Variants in TMTC1 observed in about 807,000 individuals in gnomAD.
TMTC1 encodes the protein transmembrane O-mannosyltransferase targeting cadherins 1.
In TMTC1, 73 loss-of-function variants were observed where a neutral mutation model predicts 104.8. The ratio of observed to expected loss-of-function variants is 0.70; its 90% CI spans 0.58 to 0.85. The LOEUF (loss-of-function observed/expected upper bound fraction) is 0.85, where lower values mean the gene tolerates loss of function less well. Ranked by LOEUF, TMTC1 falls within the 40% of genes least tolerant of loss-of-function variation. TMTC1 has a pLI of 0.00. For synonymous variants in TMTC1, 434 were observed against 428.7 expected (o/e 1.01, Z -0.15); for missense variants, 1,035 against 1,096.1 (o/e 0.94, Z 0.79).
chr12:29,602,653 T>C (rs1040719856), intron 7 of TMTC1, among the ~76,000 whole-genome samples: 4 of 151,902 alleles, frequency 2.6e-5, no homozygotes, highest in African/African-American at 9.7e-5. Context: ...TAATAGTAAG[T>C]GAAATATAAT....
chr12:29,662,288 G>C (rs1016030969), intron 5 of TMTC1, among the ~76,000 whole-genome samples: 15 of 152,106 alleles, frequency 9.9e-5, no homozygotes, highest in Non-Finnish European at 1.8e-4. Context: ...TGTTCTATAA[G>C]GTAAGAAATC....
At chr12:29,580,730 T>C (rs16934537) in intron 8 of TMTC1, among the ~76,000 whole-genome samples, 2,628 of 152,312 alleles carry the variant, frequency 0.017, 63 homozygotes, top group East Asian at 0.055. Context: ...TCTCCTCTTT[T>C]AATACTCAGC....
intron 10 of TMTC1, among the ~76,000 whole-genome samples, chr12:29,542,600 T>A (rs550153399): frequency 1.3e-5 from 2 of 152,202 alleles, no homozygotes; most frequent in Non-Finnish European, 2.9e-5. Flanking sequence ...TCAGCAGGTC[T>A]TGGTGGGGCC....
chr12:29,506,043 A>C lies in TMTC1; in HGVS notation c.*803T>G, dbSNP rs985693756. On this transcript the variant is annotated 3_prime_UTR_variant, in exon 18 of 18. Coordinates refer to ENST00000539277, the MANE Select transcript of TMTC1 (RefSeq NM_001193451.2). ...CTATTTTTTTCTCCACCAAAATAAC[A>C]ATATATTTGCAGGCGGGAACATGTA... The C allele has an allele frequency of 3.9e-5, 6 of 152,172 alleles. No homozygotes were observed. The East Asian group carries it at 5.8e-4, about 15-fold the overall frequency. The allele number at this position is 152,172 out of a possible 1,614,324, so 9.4% of individuals were successfully genotyped here. A position where few individuals can be genotyped will look rare whatever the true frequency, so the allele number is the denominator to read the frequency against.
intron 5 of TMTC1, among the ~76,000 whole-genome samples, chr12:29,713,620 A>G (rs77664045): frequency 0.022 from 3,318 of 152,302 alleles, 57 homozygotes; most frequent in South Asian, 0.046. Flanking sequence ...TGGTAGTGGT[A>G]GGCTGTAAAA....
chr12:29,746,131 T>TA (rs1213782056), intron 5 of TMTC1, among the ~76,000 whole-genome samples: 13 of 152,326 alleles, frequency 8.5e-5, no homozygotes, highest in African/African-American at 3.1e-4. Context: ...TTTTAAGAGA[T>TA]TTTAAAATGA....
At chr12:29,580,331 A>G (rs916137970) in intron 8 of TMTC1, among the ~76,000 whole-genome samples, 2 of 152,138 alleles carry the variant, frequency 1.3e-5, no homozygotes, top group South Asian at 4.1e-4. Flanking sequence ...AAATAAATAA[A>G]TGAATAAATA....
At chr12:29,729,038 T>C (rs2136910394) in intron 5 of TMTC1, among the ~76,000 whole-genome samples, 1 of 147,750 alleles carries the variant, frequency 6.8e-6, no homozygotes, top group South Asian at 2.2e-4. Flanking sequence ...AAACCACAGG[T>C]TAACTCTTCC....
At chr12:29,590,450 C>A (rs772753119) in intron 7 of TMTC1, among the ~76,000 whole-genome samples, 2 of 152,168 alleles carry the variant, frequency 1.3e-5, no homozygotes, top group African/African-American at 4.8e-5. Flanking sequence ...TCCTGACAAA[C>A]AACTTTGTAT....
chr12:29,571,973 C>A, intron 9 of TMTC1, 132 bp downstream of exon 9: 1 of 658,946 alleles, frequency 1.5e-6, no homozygotes, highest in Non-Finnish European at 2.6e-6. Flanking sequence ...CCAAGAGCTA[C>A]CCCACCTCCA....
chr12:29,780,610 T>C (rs1287663344), intron 1 of TMTC1, among the ~76,000 whole-genome samples: 1 of 152,162 alleles, frequency 6.6e-6, no homozygotes, highest in African/African-American at 2.4e-5. Context: ...CTCTGAAATC[T>C]ACACATATGA....
At position 29,512,026 on chromosome 12, in the gene TMTC1, G is replaced by A; in HGVS notation, c.2508+17C>T. Reference sequence around the variant, plus strand: ...GGGGGAAAGCCCGGTCCACATGGGAGTGAATTATTCTCCTACCTTGATGTG... The same window carrying A: ...GGGGGAAAGCCCGGTCCACATGGGAATGAATTATTCTCCTACCTTGATGTG... On this transcript the variant is annotated intron_variant, in intron 17 of 17. Transcript: ENST00000539277. The A allele has an allele frequency of 6.2e-7, 1 of 1,612,790 alleles. No homozygotes were observed. The highest frequency in any genetic ancestry group is 8.5e-7 in the Non-Finnish European group (1 of 1,178,742).
intron 11 of TMTC1, among the ~76,000 whole-genome samples, chr12:29,528,400 A>C (rs1389177953): frequency 6.6e-6 from 1 of 152,212 alleles, no homozygotes; most frequent in Non-Finnish European, 1.5e-5. Flanking sequence ...CTTCGAGGGC[A>C]GCAGTTAAAA....
chr12:29,711,302 A>G (rs1177500124), intron 5 of TMTC1, among the ~76,000 whole-genome samples: 2 of 152,152 alleles, frequency 1.3e-5, no homozygotes, highest in African/African-American at 2.4e-5. Flanking sequence ...TTAACAGGTA[A>G]GAAAGAAAAT....
intron 10 of TMTC1, among the ~76,000 whole-genome samples, chr12:29,539,494 A>G (rs1023397452): frequency 2.0e-5 from 3 of 152,168 alleles, no homozygotes; most frequent in Non-Finnish European, 4.4e-5. Context: ...ATCTTTATTA[A>G]TGTCCAACTA....
chr12:29,514,352 A>G, intron 16 of TMTC1, 130 bp downstream of exon 16: 1 of 935,536 alleles, frequency 1.1e-6, no homozygotes, highest in Non-Finnish European at 1.5e-6. Flanking sequence ...TTAGTTAAAA[A>G]AAACTCACTC....
chr12:29,636,396 C>T (rs11050333), intron 5 of TMTC1, among the ~76,000 whole-genome samples: 21,625 of 152,216 alleles, frequency 0.14, 1,693 homozygotes, highest in Middle Eastern at 0.19. Context: ...TTTGAGTTTA[C>T]GTTTTGGCCT....
chr12:29,609,559 T>C (rs1383502283), intron 6 of TMTC1, among the ~76,000 whole-genome samples: 3 of 152,240 alleles, frequency 2.0e-5, no homozygotes, highest in Non-Finnish European at 2.9e-5. Flanking sequence ...ATTTAAAATA[T>C]TGTGAACTTT....
intron 5 of TMTC1, chr12:29,640,441 C>G (rs1938785804): frequency 6.6e-6 from 1 of 152,162 alleles, no homozygotes; most frequent in Admixed American, 6.6e-5. Flanking sequence ...GGAGACCCCC[C>G]ACAAAACTGT....
Sources: allele counts gnomAD v4.1 joint callset (sites outside exome capture counted in the v4.1 genomes callset), GRCh38; gene constraint gnomAD v4.1.1; transcripts MANE v1.5; gene names NCBI Gene and HGNC (gene_info 2026-07-23, HGNC 2026-07-21).